TUBB6: variants seen among roughly 807,000 people sequenced by gnomAD.
TUBB6 encodes tubulin beta-6 chain.
TUBB6 carries 18 observed loss-of-function variants against 32.3 expected under a neutral mutation model. That is an observed-to-expected ratio of 0.56 (90% CI 0.39 to 0.83). The LOEUF is 0.83. Ranked by LOEUF, TUBB6 falls within the 40% of genes least tolerant of loss-of-function variation. The pLI, the probability that TUBB6 is intolerant of heterozygous loss-of-function variation, is 0.00. For synonymous variants in TUBB6, 280 were observed against 265.8 expected, an observed-to-expected ratio of 1.05 and a Z score of -0.52; for missense variants, 480 against 632.0, an observed-to-expected ratio of 0.76 and a Z score of 2.58.
chr18:12,311,214 G>C (rs1906363815), intron 3 of TUBB6, 161 bp downstream of exon 3: 1 of 582,858 alleles, frequency 1.7e-6, no homozygotes, highest in Admixed American at 3.3e-5. Flanking sequence ...TCATCACAAG[G>C]AACAGTTTTT....
At chr18:12,309,038 C>G (rs577413350) in intron 2 of TUBB6, among the ~76,000 whole-genome samples, 31 of 152,310 alleles carry the variant, frequency 2.0e-4, no homozygotes, top group African/African-American at 7.0e-4. Context: ...GTGAAATCAA[C>G]GTAGCGGTTC....
chr18:12,320,960 A>G (rs1259040811), intron 3 of TUBB6, among the ~76,000 whole-genome samples: 1 of 152,198 alleles, frequency 6.6e-6, no homozygotes, highest in South Asian at 2.1e-4. Flanking sequence ...GCCTTCCCCA[A>G]ACCCTCAGCA....
intron 3 of TUBB6, among the ~76,000 whole-genome samples, chr18:12,320,098 T>C (rs1906907352): frequency 6.6e-6 from 1 of 152,010 alleles, no homozygotes; most frequent in Non-Finnish European, 1.5e-5. Flanking sequence ...AAAAAAATGT[T>C]TTTTTAATTG....
At position 12,325,412 on chromosome 18, in the gene TUBB6, A is replaced by T. The variant is rs749407816; in HGVS notation, c.623A>T (p.Tyr208Phe). 3.1e-6 allele frequency: 5 copies of T among 1,614,222 alleles called. No individual in the cohort carries two copies. The highest frequency in any genetic ancestry group is 1.7e-5 in the Admixed American group (1 of 60,032). The change falls in exon 4 of 4, where the codon TAT (tyrosine) becomes TTT (phenylalanine). Residue 208 changes from tyrosine (Y) to phenylalanine (F), a missense_variant. Coordinates refer to ENST00000317702, the MANE Select transcript of TUBB6 (RefSeq NM_032525.3). ...TACTGCATCGACAACGAGGCGCTCT[A>T]TGACATCTGCTTCCGCACTCTGAAG... The part of the protein sequence containing the change: ...ETYCIDNEAL[Y>F]DICFRTLKLT...
intron 3 of TUBB6, among the ~76,000 whole-genome samples, chr18:12,313,449 C>T (rs77925467): frequency 0.021 from 3,217 of 152,262 alleles, 118 homozygotes; most frequent in African/African-American, 0.074. Flanking sequence ...TTCTGATTTG[C>T]CTGGAACTGG....
At chr18:12,329,402 C>T (rs1568130296), downstream of TUBB6, 5 of 778,792 alleles carry the variant, frequency 6.4e-6, no homozygotes, top group Non-Finnish European at 1.1e-5. Flanking sequence ...CCACTGTGAC[C>T]TCTGAGGCTG....
In TUBB6 at chr18:12,325,222, TC is replaced by T; in HGVS notation, c.434del (p.Ser145Ter). On this transcript the variant is annotated frameshift_variant, in exon 4 of 4. Transcript: ENST00000317702. LOFTEE classifies it high-confidence loss of function. ...LTHSLGGGTGSGMGTLLISKI... is the reference protein window; with the variant it reads ...LTHSLGGGTGXGMGTLLISKI... Reference sequence around the variant, plus strand: ...GCACTCGCTGGGCGGCGGCACGGGCTCAGGCATGGGCACGCTGCTCATCAGC... The same window carrying T: ...GCACTCGCTGGGCGGCGGCACGGGCTAGGCATGGGCACGCTGCTCATCAGC... The T allele has an allele frequency of 6.2e-7, 1 of 1,613,932 alleles. No homozygotes were observed. The highest frequency in any genetic ancestry group is 8.5e-7 in the Non-Finnish European group (1 of 1,179,966).
intron 3 of TUBB6, among the ~76,000 whole-genome samples, chr18:12,311,420 A>T (rs1275763489): frequency 1.3e-5 from 2 of 151,878 alleles, no homozygotes; most frequent in African/African-American, 2.4e-5. Flanking sequence ...ACACGGTGAA[A>T]CCCTGTCTCT....
rs546923080 is a variant in TUBB6, at chr18:12,308,675, G to A, written c.58-12G>A. 8.2e-6 allele frequency: 13 copies of A among 1,585,576 alleles called. No individual in the cohort carries two copies. The South Asian group carries it at 1.1e-4, about 13-fold the overall frequency. On this transcript the variant is annotated splice_polypyrimidine_tract_variant and intron_variant, in intron 1 of 3. Transcript: ENST00000317702. The stretch of plus-strand genomic sequence containing the variant: ...TTCTGAGCGTCTGTCCCCCCGCCTT[G>A]CCCTGCCCAAGTTTTGGGAAGTGAT...
Position 12,310,872 on chromosome 18 carries a change from C to T in TUBB6, c.167-71C>T, listed in dbSNP as rs548838817. On this transcript the variant is annotated intron_variant, in intron 2 of 3. Coordinates refer to ENST00000317702, the MANE Select transcript of TUBB6 (RefSeq NM_032525.3). ...TTCCAGGCAGCTAGAACTGGTGGGACTTGAAACGGGGAAGTCAATTACTTT... is the reference window on the plus strand; with the variant it reads ...TTCCAGGCAGCTAGAACTGGTGGGATTTGAAACGGGGAAGTCAATTACTTT... 28 of 1,089,852 alleles carry T rather than the reference C, an allele frequency of 2.6e-5. 1 individual carries two copies. In the South Asian group the frequency reaches 3.8e-4, roughly 15 times the overall value. The allele number at this position is 1,089,852 out of a possible 1,614,324, so 67.5% of individuals were successfully genotyped here. A position where few individuals can be genotyped will look rare whatever the true frequency, so the allele number is the denominator to read the frequency against.
chr18:12,327,740 G>A (rs1907384601), downstream of TUBB6, among the ~76,000 whole-genome samples: 1 of 152,138 alleles, frequency 6.6e-6, no homozygotes, highest in Non-Finnish European at 1.5e-5. Flanking sequence ...GCTTAAGGTT[G>A]CTCACCTCAC....
chr18:12,311,804 T>C (rs905737308), intron 3 of TUBB6, among the ~76,000 whole-genome samples: 3 of 152,184 alleles, frequency 2.0e-5, no homozygotes, highest in African/African-American at 7.2e-5. Flanking sequence ...AAGAAAATTA[T>C]ATAAAATTAC....
chr18:12,327,536 TG>T (rs1464876254), downstream of TUBB6, among the ~76,000 whole-genome samples: 33 of 152,214 alleles, frequency 2.2e-4, no homozygotes, highest in Admixed American at 2.1e-3. Context: ...TGCAGAAATC[TG>T]AACTATTCTG....
At position 12,308,722 on chromosome 18, in the gene TUBB6, C is replaced by G; in HGVS notation, c.93C>G (p.Asp31Glu). ...TGATCAGCGATGAGCACGGCATCGA[C>G]CCGGCCGGAGGCTACGTGGGAGACT... ...WEVISDEHGI[D>E]PAGGYVGDSA... The change falls in exon 2 of 4, where the codon GAC becomes GAG. Residue 31 changes from aspartate to glutamate, a missense_variant. Transcript: ENST00000317702. 6.2e-7 allele frequency: 1 copy of G among 1,613,278 alleles called. No homozygotes were observed. The highest frequency in any genetic ancestry group is 8.5e-7 in the Non-Finnish European group (1 of 1,179,406).
downstream of TUBB6, among the ~76,000 whole-genome samples, chr18:12,327,768 T>C (rs1320859649): frequency 2.0e-5 from 3 of 152,160 alleles, no homozygotes; most frequent in African/African-American, 7.2e-5. Flanking sequence ...ATGGGTGTTG[T>C]CGGTGCTATC....
At chr18:12,324,370 CA>C (rs547809402) in intron 3 of TUBB6, among the ~76,000 whole-genome samples, 2 of 145,870 alleles carry the variant, frequency 1.4e-5, no homozygotes, top group African/African-American at 5.0e-5. Context: ...ACTGCGTCTC[CA>C]AAAAAAAGAA....
At chr18:12,329,572 G>C (rs747587382), downstream of TUBB6, 1 of 1,613,824 alleles carries the variant, frequency 6.2e-7, no homozygotes, top group South Asian at 1.1e-5. Flanking sequence ...CCTCTAGTTG[G>C]CAACTTTCTC....
chr18:12,310,850 C>A, intron 2 of TUBB6, 93 bp from the exon 3 acceptor site: 1 of 794,878 alleles, frequency 1.3e-6, no homozygotes, highest in Non-Finnish European at 2.0e-6. Context: ...TGATCCATTC[C>A]AGGCAGCTAG....
At chr18:12,308,167 G>A, upstream of TUBB6, 1 of 514,434 alleles carries the variant, frequency 1.9e-6, no homozygotes, top group Non-Finnish European at 2.5e-6. Context: ...GGCGGGGCCC[G>A]CAGCCATTGG....
Sources: gnomAD v4.1 joint callset for allele counts (sites outside exome capture counted in the v4.1 genomes callset) on GRCh38, gnomAD v4.1.1 for gene constraint, MANE v1.5 for transcripts, NCBI Gene and HGNC (gene_info 2026-07-23, HGNC 2026-07-21) for gene names.